MYO5A: variants seen among roughly 807,000 people sequenced by gnomAD.
MYO5A encodes the protein myosin VA, also known as unconventional myosin-Va.
In MYO5A, 98 loss-of-function variants were observed where a neutral mutation model predicts 249.7. The ratio of observed to expected loss-of-function variants is 0.39; its 90% confidence interval spans 0.33 to 0.46. The LOEUF is 0.46. Ranked by LOEUF, MYO5A falls within the 20% of genes least tolerant of loss-of-function variation. The probability of loss-of-function intolerance (pLI) is 0.98; values close to 1 mark genes in which losing one functional copy is unlikely to be tolerated. For synonymous variants in MYO5A, 778 were observed against 810.6 expected (o/e 0.96, Z 0.68); for missense variants, 1,696 against 2,308.8 (o/e 0.73, Z 5.44).
intron 1 of MYO5A, among the ~76,000 whole-genome samples, chr15:52,456,171 A>C (rs2076114845): frequency 6.6e-6 from 1 of 152,184 alleles, no homozygotes; most frequent in Non-Finnish European, 1.5e-5. Flanking sequence ...GCCAACAGCA[A>C]ACAATCTGAA....
intron 20 of MYO5A, among the ~76,000 whole-genome samples, chr15:52,375,099 T>A (rs1029275989): frequency 6.6e-6 from 1 of 152,134 alleles, no homozygotes; most frequent in Non-Finnish European, 1.5e-5. Context: ...GTACTATGAC[T>A]GCACCACTGC....
chr15:52,480,154 A>G (rs897295374), intron 1 of MYO5A, among the ~76,000 whole-genome samples: 4 of 152,192 alleles, frequency 2.6e-5, no homozygotes, highest in Non-Finnish European at 4.4e-5. Flanking sequence ...CAGTTCCCTT[A>G]ATTTTCTACA....
At chr15:52,428,345 T>C (rs561709937) in intron 3 of MYO5A, 53 bp downstream of exon 3, 667 of 1,537,402 alleles carry the variant, frequency 4.3e-4, no homozygotes, top group Non-Finnish European at 5.2e-4. Flanking sequence ...TCTATGGCTA[T>C]GTCCATTAGA....
At chr15:52,376,617 G>C in intron 18 of MYO5A, 59 bp from the exon 19 acceptor site, 3 of 1,502,510 alleles carry the variant, frequency 2.0e-6, no homozygotes, top group Non-Finnish European at 2.7e-6. Flanking sequence ...AAATTTAAAA[G>C]AAAAAATGTC....
chr15:52,519,780 G>A (rs1216464763), intron 1 of MYO5A, among the ~76,000 whole-genome samples: 1 of 151,808 alleles, frequency 6.6e-6, no homozygotes, highest in Non-Finnish European at 1.5e-5. Context: ...GCCCAGGCTG[G>A]AGTGCACCGG....
At chr15:52,440,272 C>CT (rs202124249) in intron 1 of MYO5A, among the ~76,000 whole-genome samples, 21,801 of 145,598 alleles carry the variant, frequency 0.15, 1,719 homozygotes, top group Middle Eastern at 0.22. Flanking sequence ...TTTTCTTTTT[C>CT]TTTTTTTTTT....
chr15:52,369,344 C>T (rs758065424), intron 22 of MYO5A, among the ~76,000 whole-genome samples: 7 of 152,158 alleles, frequency 4.6e-5, no homozygotes, highest in Non-Finnish European at 8.8e-5. Flanking sequence ...GTAATACCAG[C>T]GGAATCTCTG....
chr15:52,370,110 T>G, intron 22 of MYO5A, 59 bp downstream of exon 22: 2 of 1,606,882 alleles, frequency 1.2e-6, no homozygotes, highest in Non-Finnish European at 1.7e-6. Flanking sequence ...GACCAAGTCA[T>G]GATGACAGCA....
chr15:52,495,390 G>C (rs1306071799), intron 1 of MYO5A, among the ~76,000 whole-genome samples: 1 of 152,150 alleles, frequency 6.6e-6, no homozygotes, highest in East Asian at 1.9e-4. Flanking sequence ...GATTACCAGA[G>C]GCTGAGGGCC....
chr15:52,340,150 G>A (rs1235731169), intron 32 of MYO5A, 46 bp downstream of exon 32: 5 of 1,597,356 alleles, frequency 3.1e-6, no homozygotes, highest in African/African-American at 1.3e-5. Context: ...CTAGACTGTC[G>A]GGCAGGCTAG....
rs1324073925 is a variant in MYO5A at position 52,377,847 on chromosome 15, G to T, written c.2209-1289C>A. Reference sequence around the variant, plus strand: ...CGGCCTCCAAAAGTGCTGGGATTAAGGGCGTGAGCCACCATGCTTGGCCAT... The same window carrying T: ...CGGCCTCCAAAAGTGCTGGGATTAATGGCGTGAGCCACCATGCTTGGCCAT... On this transcript the variant is annotated intron_variant, in intron 18 of 41. Transcript: ENST00000399233. Among the ~76,000 whole-genome samples, 8 of 152,218 alleles carry T rather than the reference G, an allele frequency of 5.3e-5. No individual in the cohort carries two copies. The East Asian group carries it at 1.5e-3, about 29-fold the overall frequency.
At chr15:52,318,900 C>A (rs190245275) in intron 39 of MYO5A, among the ~76,000 whole-genome samples, 160 bp downstream of exon 39, 1 of 152,192 alleles carries the variant, frequency 6.6e-6, no homozygotes, top group African/African-American at 2.4e-5. Context: ...TCCAGCCAGG[C>A]AAGGGAAAGT....
intron 1 of MYO5A, among the ~76,000 whole-genome samples, chr15:52,466,784 C>T (rs1418121950): frequency 6.6e-6 from 1 of 152,164 alleles, no homozygotes; most frequent in Non-Finnish European, 1.5e-5. Context: ...GATCCAGGCC[C>T]CTGGGGGTTC....
At chr15:52,486,382 G>A (rs1053586733) in intron 1 of MYO5A, among the ~76,000 whole-genome samples, 12 of 152,214 alleles carry the variant, frequency 7.9e-5, no homozygotes, top group African/African-American at 2.9e-4. Context: ...TAGTTAAGTG[G>A]TGGAGCCAGG....
rs188324550 is a variant in MYO5A at position 52,427,931 on chromosome 15, T to G, written c.310+467A>C. Among the ~76,000 whole-genome samples, 40 of 152,262 alleles carry G rather than the reference T, an allele frequency of 2.6e-4. No individual in the cohort carries two copies. In the East Asian group the frequency reaches 6.7e-3, roughly 26 times the overall value. On this transcript the variant is annotated intron_variant, in intron 3 of 41. Transcript: ENST00000399233. The stretch of plus-strand genomic sequence containing the variant: ...CACCATGAGCTGGGTGGCTGGCAGC[T>G]AACACTGCAATGAGCAGGGGCCCAG...
intron 25 of MYO5A, among the ~76,000 whole-genome samples, chr15:52,359,384 A>G (rs2040408881): frequency 6.6e-6 from 1 of 152,230 alleles, no homozygotes; most frequent in Non-Finnish European, 1.5e-5. Context: ...GAGTTACAGT[A>G]ATACATCATT....
intron 1 of MYO5A, among the ~76,000 whole-genome samples, chr15:52,518,369 T>C (rs553190398): frequency 9.3e-5 from 14 of 151,206 alleles, no homozygotes; most frequent in African/African-American, 3.4e-4. Flanking sequence ...ACAGTAAGAG[T>C]GGGTTAAAAT....
rs764678196 is a variant in MYO5A, at chr15:52,397,239, G to T, written c.1281C>A (p.Val427=). The T allele has an allele frequency of 1.2e-6, 2 of 1,614,054 alleles. No homozygotes were observed. Among genetic ancestry groups the T allele is most frequent in the African/African-American group, 1.3e-5 (1 of 75,042 alleles). The change falls in exon 10 of 42, where the codon GTC becomes GTA. Residue 427 remains valine, a synonymous_variant. Transcript: ENST00000399233. ...DNVNQALHSA[V]KQHSFIGVLD... ...GCACACCAATAAAAGAGTGCTGTTT[G>T]ACAGCAGAATGGAGAGCCTGATTGA...
chr15:52,515,915 G>A (rs1323463073), intron 1 of MYO5A, among the ~76,000 whole-genome samples: 2 of 152,132 alleles, frequency 1.3e-5, no homozygotes, highest in Non-Finnish European at 2.9e-5. Flanking sequence ...AAGAAGATGA[G>A]AAAGCAGACA....
Sources: gnomAD v4.1 joint callset for allele counts (sites outside exome capture counted in the v4.1 genomes callset) on GRCh38, gnomAD v4.1.1 for gene constraint, MANE v1.5 for transcripts, NCBI Gene and HGNC (gene_info 2026-07-23, HGNC 2026-07-21) for gene names.